Variants in SGCZ observed in about 807,000 individuals in gnomAD.
SGCZ encodes sarcoglycan zeta, also known as zeta-sarcoglycan.
A neutral mutation model predicts 41.3 loss-of-function variants in SGCZ; 40 were observed. The observed-to-expected ratio is 0.97, with a 90% CI of 0.75 to 1.26. The LOEUF is 1.26. SGCZ is among the 50% of genes most tolerant of loss of function. The pLI is 0.00. For synonymous variants in SGCZ, 206 were observed against 137.5 expected (o/e 1.50, Z -3.49); for missense variants, 552 against 369.8 (o/e 1.49, Z -4.04).
chr8:15,020,312 T>A (rs1032954936), intron 1 of SGCZ, among the ~76,000 whole-genome samples: 36 of 152,156 alleles, frequency 2.4e-4, no homozygotes, highest in African/African-American at 8.2e-4. Context: ...CTCTGACTCA[T>A]CCAAGGTGCA....
At chr8:14,441,351 T>A (rs993501036) in intron 2 of SGCZ, among the ~76,000 whole-genome samples, 6 of 152,010 alleles carry the variant, frequency 3.9e-5, no homozygotes, top group Non-Finnish European at 7.4e-5. Flanking sequence ...CCAAGACAGG[T>A]GGATCACGAG....
At chr8:14,491,612 TG>T (rs1339587080) in intron 2 of SGCZ, among the ~76,000 whole-genome samples, 2 of 152,218 alleles carry the variant, frequency 1.3e-5, no homozygotes, top group Admixed American at 1.3e-4. Context: ...TATGAATATA[TG>T]TGTGTTAATG....
chr8:15,164,335 C>T (rs190475065), intron 1 of SGCZ, among the ~76,000 whole-genome samples: 4 of 152,182 alleles, frequency 2.6e-5, no homozygotes, highest in Admixed American at 1.3e-4. Context: ...TTACAGGACC[C>T]ACCGGTGAGC....
intron 1 of SGCZ, among the ~76,000 whole-genome samples, chr8:14,826,716 G>C (rs1802335152): frequency 6.6e-6 from 1 of 152,072 alleles, no homozygotes; most frequent in South Asian, 2.1e-4. Flanking sequence ...GTGTCTTTTG[G>C]CTGCATAAAT....
At chr8:14,864,013 CAG>C (rs1355488749) in intron 1 of SGCZ, among the ~76,000 whole-genome samples, 1 of 152,166 alleles carries the variant, frequency 6.6e-6, no homozygotes, top group East Asian at 1.9e-4. Context: ...AAGTTTAAAA[CAG>C]AACGCGACCT....
At chr8:14,712,512 A>G (rs575068081) in intron 1 of SGCZ, among the ~76,000 whole-genome samples, 5 of 152,278 alleles carry the variant, frequency 3.3e-5, no homozygotes, top group Admixed American at 3.3e-4. Context: ...GTGAATTTTA[A>G]AAGTGCTTCA....
At chr8:14,578,032 G>A (rs79408244) in intron 1 of SGCZ, among the ~76,000 whole-genome samples, 3,210 of 152,128 alleles carry the variant, frequency 0.021, 120 homozygotes, top group African/African-American at 0.072. Flanking sequence ...GAAAAATGAC[G>A]GACTTTCACA....
At chr8:15,161,130 C>T (rs1329886486) in intron 1 of SGCZ, among the ~76,000 whole-genome samples, 1 of 152,062 alleles carries the variant, frequency 6.6e-6, no homozygotes, top group Non-Finnish European at 1.5e-5. Flanking sequence ...CTCTCACCTC[C>T]TACCATTCTT....
chr8:14,737,226 G>A (rs974115334), intron 1 of SGCZ, among the ~76,000 whole-genome samples: 2 of 150,122 alleles, frequency 1.3e-5, no homozygotes, highest in African/African-American at 4.9e-5. Context: ...TTCTTTGATG[G>A]TAGAGGGTTT....
chr8:15,005,328 C>CT (rs10603664), intron 1 of SGCZ, among the ~76,000 whole-genome samples: 28,840 of 77,958 alleles, frequency 0.37, 3,866 homozygotes, highest in Middle Eastern at 0.43. Context: ...TTTTCTTTTT[C>CT]TTTTTTTTTT....
intron 2 of SGCZ, among the ~76,000 whole-genome samples, chr8:14,410,363 A>T (rs1266662403): frequency 6.6e-6 from 1 of 151,238 alleles, no homozygotes. Context: ...TGAAAACTCC[A>T]AAAGGTAAAA....
intron 2 of SGCZ, among the ~76,000 whole-genome samples, chr8:14,352,611 G>A (rs1011582809): frequency 1.6e-4 from 25 of 152,074 alleles, no homozygotes; most frequent in African/African-American, 5.3e-4. Context: ...GTAGACCTAC[G>A]TGTCCTCTGG....
At chr8:15,007,310 G>A (rs13271765) in intron 1 of SGCZ, among the ~76,000 whole-genome samples, 76,243 of 151,984 alleles carry the variant, frequency 0.5, 19,377 homozygotes, top group South Asian at 0.55. Context: ...ACAAAATACC[G>A]TCTTATAAAA....
intron 2 of SGCZ, among the ~76,000 whole-genome samples, chr8:14,419,287 T>C (rs964309252): frequency 9.2e-5 from 14 of 151,942 alleles, no homozygotes; most frequent in African/African-American, 3.4e-4. Context: ...TCCTAACAGC[T>C]AGATAATGGG....
At chr8:15,050,038 A>C (rs1024053032) in intron 1 of SGCZ, among the ~76,000 whole-genome samples, 6 of 152,130 alleles carry the variant, frequency 3.9e-5, no homozygotes, top group African/African-American at 1.4e-4. Flanking sequence ...AATACAGTCA[A>C]TAGTTGGGAC....
At chr8:14,669,810 T>A (rs1390486694) in intron 1 of SGCZ, among the ~76,000 whole-genome samples, 1 of 151,976 alleles carries the variant, frequency 6.6e-6, no homozygotes, top group African/African-American at 2.4e-5. Context: ...GAAATGGGAG[T>A]GCAGATATCT....
chr8:14,615,878 G>A (rs1173794946), intron 1 of SGCZ, among the ~76,000 whole-genome samples: 1 of 151,990 alleles, frequency 6.6e-6, no homozygotes, highest in Admixed American at 6.5e-5. Context: ...ATTCTATCCT[G>A]GGCCTATTCT....
At chr8:14,590,871 G>T (rs976827511) in intron 1 of SGCZ, among the ~76,000 whole-genome samples, 1 of 147,780 alleles carries the variant, frequency 6.8e-6, no homozygotes, top group African/African-American at 2.5e-5. Context: ...ATATTATAAA[G>T]TACTTATACT....
intron 1 of SGCZ, among the ~76,000 whole-genome samples, chr8:14,980,883 C>A (rs1203865659): frequency 6.6e-6 from 1 of 152,158 alleles, no homozygotes; most frequent in Admixed American, 6.5e-5. Context: ...TCCATGCATA[C>A]TTGTGCTATC....
Sources: gnomAD v4.1 joint callset for allele counts (sites outside exome capture counted in the v4.1 genomes callset) on GRCh38, gnomAD v4.1.1 for gene constraint, MANE v1.5 for transcripts, NCBI Gene and HGNC (gene_info 2026-07-23, HGNC 2026-07-21) for gene names.